TGFBR3: variants seen among roughly 807,000 people sequenced by gnomAD.
TGFBR3 encodes transforming growth factor beta receptor 3.
A neutral mutation model predicts 87.9 loss-of-function variants in TGFBR3; 46 were observed. The observed-to-expected ratio is 0.52, with a 90% CI of 0.41 to 0.67. The LOEUF (loss-of-function observed/expected upper bound fraction) is 0.67. TGFBR3 is among the 30% of genes least tolerant of loss of function. The pLI is 0.00. For synonymous variants in TGFBR3, 381 were observed against 391.6 expected, an observed-to-expected ratio of 0.97 and a Z score of 0.32; for missense variants, 866 against 1,041.9, an observed-to-expected ratio of 0.83 and a Z score of 2.32.
chr1:91,886,243 G>A, upstream of TGFBR3: 2 of 444,542 alleles, frequency 4.5e-6, no homozygotes, highest in Non-Finnish European at 9.1e-6. Flanking sequence ...CGCGCGGGGG[G>A]AAGGGCGCTC....
intron 3 of TGFBR3, among the ~76,000 whole-genome samples, chr1:91,764,572 C>T (rs962066106): frequency 1.3e-5 from 2 of 151,994 alleles, no homozygotes; most frequent in East Asian, 1.9e-4. Context: ...CCACAGCTCC[C>T]CCGGCTGCGG....
intron 13 of TGFBR3, among the ~76,000 whole-genome samples, chr1:91,710,438 C>T (rs1286951976): frequency 2.0e-5 from 3 of 152,032 alleles, no homozygotes; most frequent in East Asian, 1.9e-4. Context: ...TCTATGATTC[C>T]GCATTTAACT....
At chr1:91,865,639 G>A (rs1383792993) in intron 1 of TGFBR3, among the ~76,000 whole-genome samples, 2 of 152,082 alleles carry the variant, frequency 1.3e-5, no homozygotes, top group African/African-American at 2.4e-5. Context: ...TTGGCCGGGC[G>A]CGGTGGCTCA....
chr1:91,865,223 A>G (rs1678349569), intron 1 of TGFBR3, among the ~76,000 whole-genome samples: 1 of 151,664 alleles, frequency 6.6e-6, no homozygotes, highest in Non-Finnish European at 1.5e-5. Context: ...AAAAAAAGAA[A>G]AAAAGAAAGA....
At chr1:91,836,421 AGAG>A (rs1302898418) in intron 2 of TGFBR3, among the ~76,000 whole-genome samples, 2 of 68,160 alleles carry the variant, frequency 2.9e-5, no homozygotes, top group African/African-American at 1.9e-4. Context: ...TCCATTTTAC[AGAG>A]GAGTACACTG....
intron 1 of TGFBR3, among the ~76,000 whole-genome samples, chr1:91,903,364 A>AAAAAAAG: frequency 6.7e-6 from 1 of 150,296 alleles, no homozygotes; most frequent in African/African-American, 2.5e-5. Flanking sequence ...AAAAAAAAAA[A>AAAAAAAG]AATTGCCAGT....
At chr1:91,863,486 G>C (rs1041181292) in intron 1 of TGFBR3, among the ~76,000 whole-genome samples, 4 of 152,182 alleles carry the variant, frequency 2.6e-5, no homozygotes, top group African/African-American at 9.7e-5. Context: ...ACAATGCTTA[G>C]AACAGTCCCT....
intron 3 of TGFBR3, among the ~76,000 whole-genome samples, chr1:91,794,205 C>CTTT (rs35802375): frequency 6.8e-6 from 1 of 148,096 alleles, no homozygotes. Flanking sequence ...TCTCCTCCAC[C>CTTT]TTTTTTTTTT....
intron 7 of TGFBR3, among the ~76,000 whole-genome samples, chr1:91,726,965 T>C (rs1032996944): frequency 1.3e-5 from 2 of 152,218 alleles, no homozygotes; most frequent in Non-Finnish European, 2.9e-5. Context: ...GTTTCAACAT[T>C]CAACTTTTGA....
intron 1 of TGFBR3, among the ~76,000 whole-genome samples, chr1:91,902,268 C>CTTTTTTTT (rs141866290): frequency 8.0e-6 from 1 of 125,210 alleles, no homozygotes; most frequent in African/African-American, 3.0e-5. Context: ...CTTTCCTTTT[C>CTTTTTTTT]TTTTGTGTGT....
chr1:91,815,223 A>T (rs941843708), intron 2 of TGFBR3, among the ~76,000 whole-genome samples: 2 of 150,816 alleles, frequency 1.3e-5, no homozygotes, highest in Non-Finnish European at 2.9e-5. Context: ...AATCACTTGG[A>T]CCCGGGAGGC....
chr1:91,875,780 C>CGGGGGGG (rs1204497451), intron 1 of TGFBR3, among the ~76,000 whole-genome samples: 5 of 6,850 alleles, frequency 7.3e-4, no homozygotes, highest in Non-Finnish European at 1.4e-3. Flanking sequence ...CCCAGCTACT[C>CGGGGGGG]GGGCGGGGGG....
chr1:91,896,953 T>A (rs958550739), intron 2 of TGFBR3, among the ~76,000 whole-genome samples: 1 of 151,200 alleles, frequency 6.6e-6, no homozygotes, highest in African/African-American at 2.4e-5. Context: ...AGTGTATATA[T>A]CTTTTTTAAC....
intron 16 of TGFBR3, 89 bp from the exon 17 acceptor site, chr1:91,683,946 A>T (rs145794843): frequency 1.6e-6 from 2 of 1,237,720 alleles, no homozygotes; most frequent in East Asian, 5.1e-5. Context: ...CGCATTTGCC[A>T]TTTTAACTGA....
intron 2 of TGFBR3, among the ~76,000 whole-genome samples, chr1:91,843,770 G>A (rs1482813708): frequency 1.3e-5 from 2 of 152,158 alleles, no homozygotes; most frequent in Non-Finnish European, 2.9e-5. Flanking sequence ...GTCACAACTA[G>A]TGCACGATCC....
intron 4 of TGFBR3, among the ~76,000 whole-genome samples, chr1:91,740,514 A>G (rs2100840567): frequency 6.6e-6 from 1 of 151,574 alleles, no homozygotes; most frequent in South Asian, 2.1e-4. Context: ...ACAGGCGTCC[A>G]CCATCAGGCC....
chr1:91,727,846 C>A (rs1389664389), intron 6 of TGFBR3, 40 bp from the exon 7 acceptor site: 1 of 1,611,450 alleles, frequency 6.2e-7, no homozygotes, highest in Non-Finnish European at 8.5e-7. Context: ...GACCTACATG[C>A]CAGAAAGTTG....
intron 13 of TGFBR3, among the ~76,000 whole-genome samples, chr1:91,710,575 C>A (rs912527323): frequency 6.6e-6 from 1 of 152,130 alleles, no homozygotes; most frequent in African/African-American, 2.4e-5. Flanking sequence ...TCTCTATTGT[C>A]ACAGAAAGCA....
chr1:91,712,598 T>C (rs1429521425), intron 12 of TGFBR3, 56 bp from the exon 13 acceptor site: 2 of 1,570,530 alleles, frequency 1.3e-6, no homozygotes, highest in East Asian at 4.5e-5. Flanking sequence ...ACTTTCACTT[T>C]AGGCACAAGG....
Sources: gnomAD v4.1 joint callset for allele counts (sites outside exome capture counted in the v4.1 genomes callset) on GRCh38, gnomAD v4.1.1 for gene constraint, MANE v1.5 for transcripts, NCBI Gene and HGNC (gene_info 2026-07-23, HGNC 2026-07-21) for gene names.